Variants in KMT5A observed in about 807,000 individuals in gnomAD.
KMT5A encodes N-lysine methyltransferase KMT5A.
A neutral mutation model predicts 40.6 loss-of-function variants in KMT5A; 6 were observed. That is an observed-to-expected ratio of 0.15 (90% CI 0.08 to 0.29). The LOEUF (loss-of-function observed/expected upper bound fraction) is 0.29, where lower values mean the gene tolerates loss of function less well. Among genes scored for constraint, KMT5A ranks in the 10% least tolerant of loss-of-function variants. The pLI, the probability that KMT5A is intolerant of heterozygous loss-of-function variation, is 1.00. For synonymous variants in KMT5A, 153 were observed against 178.8 expected (o/e 0.86, Z 1.15); for missense variants, 308 against 459.1 (o/e 0.67, Z 3.01).
At position 123,407,988 on chromosome 12, in the gene KMT5A, A is replaced by G. The variant is rs984726272; in HGVS notation, c.*285A>G. The G allele has an allele frequency of 5.5e-5, 21 of 379,712 alleles. No individual in the cohort carries two copies. The highest frequency in any genetic ancestry group is 7.9e-4 in the Middle Eastern group (1 of 1,262). 23.5% of individuals were successfully genotyped at this position (379,712 alleles called of 1,614,324 possible). A position where few individuals can be genotyped will look rare whatever the true frequency, so the allele number is the denominator to read the frequency against. On this transcript the variant is annotated 3_prime_UTR_variant, in exon 8 of 8. Transcript: ENST00000402868. ...GAACGTTTGTGCTTCCCGTGCATGC[A>G]GTCAAAGACTCAGCACAGGTTTTAG...
chr12:123,408,387 G>T lies in KMT5A; in HGVS notation c.*684G>T, dbSNP rs6576. Reference sequence around the variant, plus strand: ...TCAAACTAGATGTGGGCAGGGAGAGGGTTGCTTACCTGCCCTGCTGGGGCA... The same window carrying T: ...TCAAACTAGATGTGGGCAGGGAGAGTGTTGCTTACCTGCCCTGCTGGGGCA... On this transcript the variant is annotated 3_prime_UTR_variant, in exon 8 of 8. Transcript: ENST00000402868. 110,220 of 151,770 alleles carry T rather than the reference G, an allele frequency of 0.73. 41,298 individuals are homozygous for T. Among genetic ancestry groups the T allele is most frequent in the East Asian group, 1 (5,119 of 5,140 alleles). 9.4% of individuals were successfully genotyped at this position (151,770 alleles called of 1,614,324 possible). A position where few individuals can be genotyped will look rare whatever the true frequency, so the allele number is the denominator to read the frequency against.
chr12:123,396,810 G>T (rs932280878), intron 5 of KMT5A, among the ~76,000 whole-genome samples: 1 of 152,188 alleles, frequency 6.6e-6, no homozygotes, highest in African/African-American at 2.4e-5. Context: ...CTGTTTTCTG[G>T]AAGTTTCCAT....
In KMT5A at chr12:123,396,580, G is replaced by T. The variant is rs539165804; in HGVS notation, c.597+148G>T. On this transcript the variant is annotated intron_variant, in intron 5 of 7. Coordinates refer to ENST00000402868, the MANE Select transcript of KMT5A (RefSeq NM_020382.7). ...CCCCTCTGGACTTGGTTTTCTCCTG[G>T]ATCTATCGGGGATCCTCACAAAGCT... 73 of 694,752 alleles carry T rather than the reference G, an allele frequency of 1.1e-4. No individual in the cohort carries two copies. In the African/African-American group the frequency reaches 1.3e-3, roughly 12 times the overall value. 43.0% of individuals were successfully genotyped at this position (694,752 alleles called of 1,614,324 possible).
rs755313053 is a variant in KMT5A at position 123,395,191 on chromosome 12, G to C, written c.434G>C (p.Cys145Ser). The change falls in exon 4 of 8, where the codon TGT becomes TCT. Residue 145 changes from cysteine (C) to serine (S), a missense_variant. Coordinates refer to ENST00000402868, the MANE Select transcript of KMT5A (RefSeq NM_020382.7). ...CCTCCAAAAACTCCACCCTCATCTTGTGATTCCACCAATGCAGCCATCGCC... is the reference window on the plus strand; with the variant it reads ...CCTCCAAAAACTCCACCCTCATCTTCTGATTCCACCAATGCAGCCATCGCC... ...AEPPKTPPSSCDSTNAAIAKQ... is the reference protein window; with the variant it reads ...AEPPKTPPSSSDSTNAAIAKQ... 2.5e-6 allele frequency: 4 copies of C among 1,613,372 alleles called. No individual in the cohort carries two copies. In the East Asian group the frequency reaches 6.7e-5, roughly 27 times the overall value.
At chr12:123,392,828 C>A (rs1268832786) in intron 3 of KMT5A, among the ~76,000 whole-genome samples, 1 of 152,102 alleles carries the variant, frequency 6.6e-6, no homozygotes, top group Admixed American at 6.6e-5. Flanking sequence ...TCTGATTTCA[C>A]CCAGGAAGGT....
chr12:123,388,784 A>C (rs927174249), intron 1 of KMT5A: 63 of 149,642 alleles, frequency 4.2e-4, no homozygotes, highest in Non-Finnish European at 6.3e-4. Flanking sequence ...CTGGGCTGTC[A>C]TGACGGTGTT....
At chr12:123,400,365 A>ATTT (rs35326700) in intron 5 of KMT5A, among the ~76,000 whole-genome samples, 2 of 145,904 alleles carry the variant, frequency 1.4e-5, no homozygotes, top group Non-Finnish European at 3.0e-5. Flanking sequence ...TTATTTTGCA[A>ATTT]TTTTTTTTTT....
intron 5 of KMT5A, among the ~76,000 whole-genome samples, chr12:123,400,073 C>T (rs144257715): frequency 3.7e-4 from 57 of 152,126 alleles, no homozygotes; most frequent in African/African-American, 1.2e-3. Flanking sequence ...CCACTTGCCT[C>T]GGCCTCCCAA....
chr12:123,407,810 C>T lies in KMT5A; in HGVS notation c.*107C>T. On this transcript the variant is annotated 3_prime_UTR_variant, in exon 8 of 8. Coordinates refer to ENST00000402868, the MANE Select transcript of KMT5A (RefSeq NM_020382.7). ...TTACACACTTAATCTTAGCGGATTA[C>T]TTCAGATGTTTTTAAAAAGTATATT... The T allele has an allele frequency of 4.3e-6, 3 of 693,872 alleles. No homozygotes were observed. Among genetic ancestry groups the T allele is most frequent in the Non-Finnish European group, 7.4e-6 (3 of 407,256 alleles). The allele number at this position is 693,872 out of a possible 1,614,324, so 43.0% of individuals were successfully genotyped here. A position where few individuals can be genotyped will look rare whatever the true frequency, so the allele number is the denominator to read the frequency against.
In KMT5A at chr12:123,407,470, C is replaced by G. The variant is rs565851559; in HGVS notation, c.849-23C>G. On this transcript the variant is annotated intron_variant, in intron 7 of 7. Transcript: ENST00000402868. ...AAAGCCTCTTTATCCATTTAATCCT[C>G]TCTGGCCCTCCTTCCCCTCCAGCGT... 64 of 1,612,336 alleles carry G rather than the reference C, an allele frequency of 4.0e-5. No homozygotes were observed. The Admixed American group carries it at 7.3e-4, about 18-fold the overall frequency.
At chr12:123,405,575 A>G (rs757742304) in intron 7 of KMT5A, among the ~76,000 whole-genome samples, 11 of 123,960 alleles carry the variant, frequency 8.9e-5, no homozygotes, top group African/African-American at 1.3e-4. Context: ...GCTGGAGTGC[A>G]GTGGCACAAT....
In KMT5A at chr12:123,409,034, C is replaced by G. The variant is rs1200329950; in HGVS notation, c.*1331C>G. ...GGGGCCGGGGCTCAGGAGCCATGACCTGGTGTCTCCTGCCCACCCTGGTCC... is the reference window on the plus strand; with the variant it reads ...GGGGCCGGGGCTCAGGAGCCATGACGTGGTGTCTCCTGCCCACCCTGGTCC... On this transcript the variant is annotated 3_prime_UTR_variant, in exon 8 of 8. Coordinates refer to ENST00000402868, the MANE Select transcript of KMT5A (RefSeq NM_020382.7). 1 of 152,658 alleles carries G rather than the reference C, an allele frequency of 6.6e-6. No homozygotes were observed. The highest frequency in any genetic ancestry group is 2.4e-5 in the African/African-American group (1 of 41,456). 9.5% of individuals were successfully genotyped at this position (152,658 alleles called of 1,614,324 possible).
chr12:123,403,466 T>G, intron 5 of KMT5A, 107 bp from the exon 6 acceptor site: 1 of 1,208,192 alleles, frequency 8.3e-7, no homozygotes, highest in Non-Finnish European at 1.2e-6. Context: ...TGAGGCCGAT[T>G]GTGGCCCGGT....
chr12:123,389,532 C>T lies in KMT5A; in HGVS notation c.110C>T (p.Pro37Leu). Residue 37 changes from proline (P) to leucine (L), a missense_variant, in exon 2 of 8, where the codon CCG becomes CTG. By Grantham distance (98) the Pro-to-Leu change is moderately conservative. This residue lies in a region of KMT5A where 92 missense variants were observed against 78.3 expected (regional missense o/e 1.18). Coordinates refer to ENST00000402868, the MANE Select transcript of KMT5A (RefSeq NM_020382.7). ...CCGGAGATGGTGGAGCGGAGGGGCCCGGGGAGGCCCCGCACCGACGGGGTA... is the reference window on the plus strand; with the variant it reads ...CCGGAGATGGTGGAGCGGAGGGGCCTGGGGAGGCCCCGCACCGACGGGGTA... Reference protein sequence around the residue: ...PGPEMVERRGPGRPRTDGENV... With the variant: ...PGPEMVERRGLGRPRTDGENV... 3 of 1,107,804 alleles carry T rather than the reference C, an allele frequency of 2.7e-6. No homozygotes were observed. Among genetic ancestry groups the T allele is most frequent in the Admixed American group, 1.0e-4 (2 of 19,420 alleles). 68.6% of individuals were successfully genotyped at this position (1,107,804 alleles called of 1,614,324 possible). A position where few individuals can be genotyped will look rare whatever the true frequency, so the allele number is the denominator to read the frequency against.
chr12:123,392,760 T>C (rs574966424), intron 3 of KMT5A, among the ~76,000 whole-genome samples: 24 of 152,298 alleles, frequency 1.6e-4, no homozygotes, highest in Non-Finnish European at 2.6e-4. Flanking sequence ...GACTGAGTGA[T>C]AGATAATGTT....
chr12:123,405,096 G>A (rs1001563809), intron 7 of KMT5A, 22 bp downstream of exon 7: 1 of 1,592,116 alleles, frequency 6.3e-7, no homozygotes, highest in African/African-American at 1.3e-5. Context: ...GTTGCTTAGA[G>A]TGGCTTTTCT....
At chr12:123,402,288 G>GGGCCGTGGCTGGGCTGCAGGGCCGC (rs1878241861) in intron 5 of KMT5A, among the ~76,000 whole-genome samples, 1 of 152,230 alleles carries the variant, frequency 6.6e-6, no homozygotes, top group Non-Finnish European at 1.5e-5. Context: ...AGCGGGGCCG[G>GGGCCGTGGCTGGGCTGCAGGGCCGC]GGCCGTGGCT....
At position 123,399,388 on chromosome 12, in the gene KMT5A, C is replaced by T. The variant is rs1010311261; in HGVS notation, c.597+2956C>T. Among the ~76,000 whole-genome samples, 16 of 152,382 alleles carry T rather than the reference C, an allele frequency of 1.0e-4. No homozygotes were observed. The East Asian group carries it at 1.2e-3, about 11-fold the overall frequency. The stretch of plus-strand genomic sequence containing the variant: ...CCAAATTCCAGGCCTTTGGGAGACT[C>T]AGCCTCCCTGGCTTTGTGCCGGGGC... On this transcript the variant is annotated intron_variant, in intron 5 of 7. Coordinates refer to ENST00000402868, the MANE Select transcript of KMT5A (RefSeq NM_020382.7).
At chr12:123,403,472 C>G in intron 5 of KMT5A, 101 bp from the exon 6 acceptor site, 1 of 1,299,202 alleles carries the variant, frequency 7.7e-7, no homozygotes, top group Non-Finnish European at 1.1e-6. Context: ...CGATTGTGGC[C>G]CGGTGGGCAT....
Sources: allele counts gnomAD v4.1 joint callset (sites outside exome capture counted in the v4.1 genomes callset), GRCh38; gene constraint gnomAD v4.1.1; regional missense constraint gnomAD v4.1.1; transcripts MANE v1.5; gene names NCBI Gene and HGNC (gene_info 2026-07-23, HGNC 2026-07-21).